LRRC37A2: variants seen among roughly 807,000 people sequenced by gnomAD.
LRRC37A2 encodes the protein leucine rich repeat containing 37 member A2, also known as leucine-rich repeat-containing protein 37A2.
In LRRC37A2, 9 loss-of-function variants were observed where a neutral mutation model predicts 68.8. The observed-to-expected ratio is 0.13, with a 90% CI of 0.08 to 0.23. The LOEUF is 0.23. Among genes scored for constraint, LRRC37A2 ranks in the 10% least tolerant of loss-of-function variants. The probability of loss-of-function intolerance (pLI) is 1.00; values close to 1 mark genes in which losing one functional copy is unlikely to be tolerated. For synonymous variants in LRRC37A2, 63 were observed against 367.6 expected, an observed-to-expected ratio of 0.17 and a Z score of 9.48; for missense variants, 168 against 950.4, an observed-to-expected ratio of 0.18 and a Z score of 10.82.
the LRRC37A2 span, chr17:46,872,921 G>T: frequency 3.8e-4 from 392 of 1,028,606 alleles, no homozygotes; most frequent in Middle Eastern, 1.3e-3. Flanking sequence ...CAAATGAGAA[G>T]AGTCACAAGA....
the LRRC37A2 span, among the ~76,000 whole-genome samples, chr17:46,696,275 C>G: frequency 7.3e-6 from 1 of 136,990 alleles, no homozygotes; most frequent in Non-Finnish European, 1.5e-5. Flanking sequence ...TAGATTTATT[C>G]GGCATCTACT....
At chr17:46,975,221 A>C in the LRRC37A2 span, 1 of 152,060 alleles carries the variant, frequency 6.6e-6, no homozygotes, top group South Asian at 2.1e-4. Flanking sequence ...AGGCACAGAG[A>C]GGTTGAGCTA....
At chr17:46,830,768 T>C in the LRRC37A2 span, 1 of 398,550 alleles carries the variant, frequency 2.5e-6, no homozygotes, top group African/African-American at 2.1e-5. Flanking sequence ...GAGGCATGGG[T>C]TAAACCACTT....
the LRRC37A2 span, chr17:46,948,965 G>GTACC: frequency 6.6e-6 from 1 of 152,208 alleles, no homozygotes; most frequent in Non-Finnish European, 1.5e-5. Context: ...CACCCACCAG[G>GTACC]TGCCAGTCAC....
the LRRC37A2 span, among the ~76,000 whole-genome samples, chr17:46,945,286 G>A: frequency 6.6e-6 from 1 of 152,182 alleles, no homozygotes; most frequent in African/African-American, 2.4e-5. Flanking sequence ...GAAACTTGCT[G>A]CTCAGAGGCC....
At chr17:46,867,966 G>A in the LRRC37A2 span, among the ~76,000 whole-genome samples, 15 of 152,112 alleles carry the variant, frequency 9.9e-5, no homozygotes, top group African/African-American at 3.6e-4. Context: ...AGAACAGAAG[G>A]GCACAGACTG....
the LRRC37A2 span, among the ~76,000 whole-genome samples, chr17:46,842,035 C>A: frequency 6.6e-6 from 1 of 152,062 alleles, no homozygotes; most frequent in Non-Finnish European, 1.5e-5. Flanking sequence ...CTCGGCGGGG[C>A]CTGGGCTGGC....
chr17:47,011,704 C>T, the LRRC37A2 span, among the ~76,000 whole-genome samples: 7 of 152,072 alleles, frequency 4.6e-5, no homozygotes, highest in Admixed American at 3.3e-4. Context: ...CCACGCCAGG[C>T]CAGCCTTTCA....
At chr17:46,474,917 CTACT>C in the LRRC37A2 span, among the ~76,000 whole-genome samples, 6 of 108,642 alleles carry the variant, frequency 5.5e-5, no homozygotes, top group African/African-American at 1.9e-4. Flanking sequence ...ATTTGATCGA[CTACT>C]TACTTTCTAT....
chr17:47,044,575 G>A, the LRRC37A2 span, among the ~76,000 whole-genome samples: 1 of 151,336 alleles, frequency 6.6e-6, no homozygotes, highest in South Asian at 2.1e-4. Context: ...TACACACACG[G>A]AAAGCAAATG....
the LRRC37A2 span, among the ~76,000 whole-genome samples, chr17:46,958,321 C>G: frequency 6.6e-6 from 1 of 152,348 alleles, no homozygotes. Flanking sequence ...TAATTCAAGA[C>G]AGGATCTCCA....
chr17:47,040,458 T>A, the LRRC37A2 span, among the ~76,000 whole-genome samples: 1 of 151,636 alleles, frequency 6.6e-6, no homozygotes, highest in African/African-American at 2.4e-5. Context: ...GAAAATCAGA[T>A]CCATGCTGCC....
chr17:46,883,554 G>A, the LRRC37A2 span, among the ~76,000 whole-genome samples: 1 of 152,184 alleles, frequency 6.6e-6, no homozygotes, highest in Non-Finnish European at 1.5e-5. Flanking sequence ...CAAAGTGCTG[G>A]GATTACAGGC....
the LRRC37A2 span, among the ~76,000 whole-genome samples, chr17:46,796,083 C>A: frequency 6.6e-6 from 1 of 152,212 alleles, no homozygotes; most frequent in Non-Finnish European, 1.5e-5. Flanking sequence ...GCACCCTCCA[C>A]GCCTGCAGGC....
chr17:46,939,872 G>A, the LRRC37A2 span: 1 of 994,220 alleles, frequency 1.0e-6, no homozygotes, highest in Non-Finnish European at 1.2e-6. Flanking sequence ...TCCATCTAAT[G>A]TGGTGAATCA....
the LRRC37A2 span, among the ~76,000 whole-genome samples, chr17:46,775,507 T>C: frequency 6.6e-6 from 1 of 152,090 alleles, no homozygotes; most frequent in Admixed American, 6.6e-5. Context: ...GTGGAGGAAC[T>C]GAGGAGCCAG....
chr17:46,773,925 G>A, the LRRC37A2 span: 1 of 1,609,650 alleles, frequency 6.2e-7, no homozygotes, highest in South Asian at 1.1e-5. Flanking sequence ...GGCAGACAGA[G>A]GGTAGTAACA....
the LRRC37A2 span, among the ~76,000 whole-genome samples, chr17:46,717,188 GCAA>G: frequency 6.6e-6 from 1 of 152,098 alleles, no homozygotes; most frequent in Non-Finnish European, 1.5e-5. Flanking sequence ...CTTGTCATTT[GCAA>G]CAACATGGAT....
At chr17:46,724,540 G>T in the LRRC37A2 span, among the ~76,000 whole-genome samples, 1 of 152,100 alleles carries the variant, frequency 6.6e-6, no homozygotes, top group East Asian at 1.9e-4. Flanking sequence ...ACCAAAGCAA[G>T]CCCCATAGTT....
Sources: gnomAD v4.1 joint callset for allele counts (sites outside exome capture counted in the v4.1 genomes callset) on GRCh38, gnomAD v4.1.1 for gene constraint, MANE v1.5 for transcripts, NCBI Gene and HGNC (gene_info 2026-07-23, HGNC 2026-07-21) for gene names.